Variants in JAZF1 observed in about 807,000 individuals in gnomAD.
The protein encoded by JAZF1 is JAZF zinc finger 1.
Under a neutral mutation model 26.4 loss-of-function variants are expected in JAZF1, and 8 were observed. The ratio of observed to expected loss-of-function variants is 0.30; its 90% CI spans 0.18 to 0.55. JAZF1 has a LOEUF of 0.55. Ranked by LOEUF, JAZF1 falls within the 20% of genes least tolerant of loss-of-function variation. The probability of loss-of-function intolerance (pLI) is 0.94; values close to 1 mark genes in which losing one functional copy is unlikely to be tolerated. For synonymous variants in JAZF1, 126 were observed against 122.3 expected (o/e 1.03, Z -0.20); for missense variants, 199 against 322.0 (o/e 0.62, Z 2.92).
chr7:28,180,455 C>G lies in JAZF1; in HGVS notation c.115+8G>C, dbSNP rs200463135. The G allele has an allele frequency of 5.8e-4, 932 of 1,607,864 alleles. 13 individuals carry two copies. The East Asian group carries it at 0.018, about 31-fold the overall frequency. ...CCTGGCACCCCCGCCCACCCCCGGGCCATTTACCGATGTGGTTGTCCTCGA... is the reference window on the plus strand; with the variant it reads ...CCTGGCACCCCCGCCCACCCCCGGGGCATTTACCGATGTGGTTGTCCTCGA... On this transcript the variant is annotated splice_region_variant and intron_variant, in intron 1 of 4. Coordinates refer to ENST00000283928, the MANE Select transcript of JAZF1 (RefSeq NM_175061.4).
intron 1 of JAZF1, among the ~76,000 whole-genome samples, chr7:28,167,680 T>C (rs985126003): frequency 6.6e-6 from 1 of 151,906 alleles, no homozygotes; most frequent in Non-Finnish European, 1.5e-5. Flanking sequence ...CTGGAGAGAG[T>C]GTTTCAGTGG....
At chr7:27,885,691 T>C (rs2128340288) in intron 3 of JAZF1, among the ~76,000 whole-genome samples, 1 of 152,318 alleles carries the variant, frequency 6.6e-6, no homozygotes, top group Non-Finnish European at 1.5e-5. Flanking sequence ...TTTTTTCCTT[T>C]GGTCCCACAG....
intron 1 of JAZF1, among the ~76,000 whole-genome samples, chr7:28,123,590 A>C (rs907205116): frequency 3.8e-4 from 58 of 152,346 alleles, no homozygotes; most frequent in African/African-American, 1.2e-3. Flanking sequence ...ATTATATTCT[A>C]AATGCCCATT....
chr7:27,906,526 T>C (rs1448841185), intron 2 of JAZF1, among the ~76,000 whole-genome samples: 1 of 152,230 alleles, frequency 6.6e-6, no homozygotes. Flanking sequence ...TGGAATGATA[T>C]AGTCAATCTA....
chr7:28,142,736 G>A (rs996223977), intron 1 of JAZF1, among the ~76,000 whole-genome samples: 7 of 152,116 alleles, frequency 4.6e-5, no homozygotes, highest in African/African-American at 1.2e-4. Flanking sequence ...CAGCCCTTTC[G>A]TCAAAAGAGG....
At chr7:27,973,918 T>C (rs1258234346) in intron 2 of JAZF1, among the ~76,000 whole-genome samples, 5 of 151,988 alleles carry the variant, frequency 3.3e-5, no homozygotes, top group Admixed American at 6.6e-5. Flanking sequence ...AACAGGAAGT[T>C]AGAGCTTCAA....
intron 3 of JAZF1, among the ~76,000 whole-genome samples, chr7:27,883,835 T>G (rs1289866323): frequency 6.6e-6 from 1 of 152,220 alleles, no homozygotes; most frequent in East Asian, 1.9e-4. Flanking sequence ...GCTCCTTCTC[T>G]CTACTTAATA....
chr7:27,885,491 C>T (rs1309778885), intron 3 of JAZF1, among the ~76,000 whole-genome samples: 1 of 152,180 alleles, frequency 6.6e-6, no homozygotes. Flanking sequence ...GTCATTTCCC[C>T]CCATTTCTAA....
At chr7:27,970,140 G>T (rs1277086805) in intron 2 of JAZF1, among the ~76,000 whole-genome samples, 1 of 152,072 alleles carries the variant, frequency 6.6e-6, no homozygotes, top group East Asian at 1.9e-4. Context: ...AATAGAGAGG[G>T]TTATATACAT....
rs78008711 is a variant in JAZF1 at position 28,006,891 on chromosome 7, T to C, written c.116-14910A>G. Among the ~76,000 whole-genome samples, 1,475 of 151,962 alleles carry C rather than the reference T, an allele frequency of 9.7e-3. 24 individuals carry two copies. Among genetic ancestry groups the C allele is most frequent in the African/African-American group, 0.034 (1,408 of 41,202 alleles). ...TTTTAAGGTGATTTTATTATATCTC[T>C]TCCATAAATGAACATGGATTTTTTA... On this transcript the variant is annotated intron_variant, in intron 1 of 4. Coordinates refer to ENST00000283928, the MANE Select transcript of JAZF1 (RefSeq NM_175061.4).
chr7:28,094,178 G>A (rs1177802262), intron 1 of JAZF1, among the ~76,000 whole-genome samples: 2 of 152,160 alleles, frequency 1.3e-5, no homozygotes, highest in Admixed American at 6.5e-5. Context: ...GTCAACATTC[G>A]ATCTGCTCGG....
intron 1 of JAZF1, among the ~76,000 whole-genome samples, chr7:28,159,368 C>T (rs1435776763): frequency 6.6e-6 from 1 of 150,952 alleles, no homozygotes; most frequent in Non-Finnish European, 1.5e-5. Flanking sequence ...TAAAGAGAAA[C>T]CCAAGCAGAA....
intron 2 of JAZF1, among the ~76,000 whole-genome samples, chr7:27,985,118 A>G (rs1329159108): frequency 2.6e-4 from 40 of 152,262 alleles, no homozygotes; most frequent in South Asian, 6.2e-4. Flanking sequence ...AGAACTGAAG[A>G]AGATAGAGAC....
intron 1 of JAZF1, among the ~76,000 whole-genome samples, chr7:28,089,219 G>A (rs1458365864): frequency 6.6e-6 from 1 of 152,214 alleles, no homozygotes. Flanking sequence ...GATCATAAGA[G>A]TGGAGTCCTT....
intron 1 of JAZF1, among the ~76,000 whole-genome samples, chr7:27,998,934 G>A (rs1320104692): frequency 1.3e-5 from 2 of 152,170 alleles, no homozygotes; most frequent in African/African-American, 4.8e-5. Flanking sequence ...AATCTATCCA[G>A]CTTGTAGAAT....
intron 1 of JAZF1, among the ~76,000 whole-genome samples, chr7:28,016,170 T>G (rs890165938): frequency 2.0e-5 from 3 of 152,124 alleles, no homozygotes; most frequent in Non-Finnish European, 4.4e-5. Flanking sequence ...GGACTGCCCT[T>G]GGTCAGAGGT....
intron 1 of JAZF1, among the ~76,000 whole-genome samples, chr7:28,082,281 C>A (rs1200455687): frequency 6.6e-6 from 1 of 152,146 alleles, no homozygotes; most frequent in Non-Finnish European, 1.5e-5. Context: ...CTCACCCTTG[C>A]AGCCCTTGTC....
intron 1 of JAZF1, among the ~76,000 whole-genome samples, chr7:28,013,441 C>T (rs943256225): frequency 1.3e-5 from 2 of 152,082 alleles, no homozygotes; most frequent in African/African-American, 4.8e-5. Flanking sequence ...ACCTGGAGGC[C>T]TGTTACAGCT....
chr7:28,178,793 C>T (rs1416355519), intron 1 of JAZF1, among the ~76,000 whole-genome samples: 1 of 152,230 alleles, frequency 6.6e-6, no homozygotes. Context: ...TTCTGTCATA[C>T]CTTTAGCAGA....
Sources: allele counts gnomAD v4.1 joint callset (sites outside exome capture counted in the v4.1 genomes callset), GRCh38; gene constraint gnomAD v4.1.1; transcripts MANE v1.5; gene names NCBI Gene and HGNC (gene_info 2026-07-23, HGNC 2026-07-21).